SSBP2: variants seen among roughly 807,000 people sequenced by gnomAD.
SSBP2 encodes the protein single stranded DNA binding protein 2.
A neutral mutation model predicts 61.8 loss-of-function variants in SSBP2; 17 were observed. That is an observed-to-expected ratio of 0.28 (90% CI 0.19 to 0.41). The LOEUF (loss-of-function observed/expected upper bound fraction) is 0.41. Among genes scored for constraint, SSBP2 ranks in the 10% least tolerant of loss-of-function variants. SSBP2 has a pLI of 1.00. For synonymous variants in SSBP2, 139 were observed against 141.3 expected (o/e 0.98, Z 0.12); for missense variants, 310 against 458.7 (o/e 0.68, Z 2.96).
At position 81,418,404 on chromosome 5, in the gene SSBP2, T is replaced by C. The variant is rs368035917; in HGVS notation, c.*2100A>G. ...ACATAAATTTAATTCAGCTTTTTTT[T>C]CTCAACAGTTCTGCCTAGTATCCCT... is the stretch of plus-strand genomic sequence containing the variant. On this transcript the variant is annotated 3_prime_UTR_variant, in exon 17 of 17. Transcript: ENST00000320672. 15 of 152,388 alleles carry C rather than the reference T, an allele frequency of 9.8e-5. No individual in the cohort carries two copies. The East Asian group carries it at 1.2e-3, about 12-fold the overall frequency. The allele number at this position is 152,388 out of a possible 1,614,324, so 9.4% of individuals were successfully genotyped here. A position where few individuals can be genotyped will look rare whatever the true frequency, so the allele number is the denominator to read the frequency against.
intron 1 of SSBP2, among the ~76,000 whole-genome samples, chr5:81,662,344 G>A (rs951716688): frequency 2.1e-4 from 32 of 152,136 alleles, no homozygotes; most frequent in Admixed American, 8.5e-4. Context: ...GCAGACGCCC[G>A]TAATCCCAGC....
At chr5:81,746,226 G>T (rs1757340009) in intron 1 of SSBP2, among the ~76,000 whole-genome samples, 1 of 151,782 alleles carries the variant, frequency 6.6e-6, no homozygotes, top group African/African-American at 2.4e-5. Context: ...GGGTTTTTTT[G>T]ATACTTCTGA....
chr5:81,454,053 T>C (rs918329916), intron 10 of SSBP2, among the ~76,000 whole-genome samples: 7 of 152,170 alleles, frequency 4.6e-5, no homozygotes, highest in Non-Finnish European at 1.0e-4. Context: ...CTTCCATTCA[T>C]TACCTGTTAT....
At chr5:81,715,869 CA>C (rs1189339413) in intron 1 of SSBP2, among the ~76,000 whole-genome samples, 20 of 152,128 alleles carry the variant, frequency 1.3e-4, no homozygotes, top group African/African-American at 4.8e-4. Context: ...CCAGCCTGAG[CA>C]GTATACTGAG....
At chr5:81,445,363 T>C (rs1277000457) in intron 12 of SSBP2, among the ~76,000 whole-genome samples, 1 of 151,316 alleles carries the variant, frequency 6.6e-6, no homozygotes, top group African/African-American at 2.4e-5. Flanking sequence ...TGGCAATTTC[T>C]GGTTTGAAAG....
At chr5:81,582,175 A>G (rs1278596547) in intron 4 of SSBP2, among the ~76,000 whole-genome samples, 1 of 152,208 alleles carries the variant, frequency 6.6e-6, no homozygotes, top group African/African-American at 2.4e-5. Flanking sequence ...TTTGGGGTTG[A>G]CATCTATGAG....
At chr5:81,439,615 C>T (rs2153954005) in intron 14 of SSBP2, among the ~76,000 whole-genome samples, 1 of 150,648 alleles carries the variant, frequency 6.6e-6, no homozygotes, top group East Asian at 1.9e-4. Flanking sequence ...GATTCTCTGC[C>T]TTAGCCTTTT....
At chr5:81,493,226 CA>C (rs1469117840) in intron 5 of SSBP2, among the ~76,000 whole-genome samples, 12 of 149,816 alleles carry the variant, frequency 8.0e-5, no homozygotes, top group Non-Finnish European at 1.8e-4. Context: ...ATATCAAAAA[CA>C]TATATATATT....
chr5:81,488,112 C>T (rs1437092282), intron 6 of SSBP2, among the ~76,000 whole-genome samples: 1 of 137,110 alleles, frequency 7.3e-6, no homozygotes, highest in Admixed American at 8.1e-5. Flanking sequence ...TTTTTTATAT[C>T]CATTCATTCA....
chr5:81,479,210 T>C (rs891740795), intron 6 of SSBP2, among the ~76,000 whole-genome samples: 6 of 152,222 alleles, frequency 3.9e-5, no homozygotes, highest in African/African-American at 1.4e-4. Context: ...ATCTGTGACA[T>C]ATTATTTCTA....
chr5:81,668,642 G>T (rs1291139230), intron 1 of SSBP2, among the ~76,000 whole-genome samples: 1 of 151,844 alleles, frequency 6.6e-6, no homozygotes, highest in Admixed American at 6.6e-5. Context: ...CCGTTTAATT[G>T]TATAACAGCA....
In SSBP2 at chr5:81,575,160, C is replaced by T. The variant is rs191855198; in HGVS notation, c.282+40313G>A. 3.6e-4 allele frequency among the ~76,000 whole-genome samples: 55 copies of T among 152,104 alleles called. 3 individuals are homozygous for T. The East Asian group carries it at 4.3e-3, about 12-fold the overall frequency. On this transcript the variant is annotated intron_variant, in intron 4 of 16. Transcript: ENST00000320672. ...GTGCATGCCTGTAGTCCCAGCTACTCGGGAGGCTGAGGCAGGAGAATCACT... is the reference window on the plus strand; with the variant it reads ...GTGCATGCCTGTAGTCCCAGCTACTTGGGAGGCTGAGGCAGGAGAATCACT...
chr5:81,724,538 AGT>A (rs1755746612), intron 1 of SSBP2, among the ~76,000 whole-genome samples: 1 of 152,098 alleles, frequency 6.6e-6, no homozygotes, highest in African/African-American at 2.4e-5. Context: ...GTACATAGTA[AGT>A]GTGTACTACC....
intron 13 of SSBP2, 114 bp downstream of exon 13, chr5:81,442,539 A>C: frequency 1.7e-6 from 1 of 602,554 alleles, no homozygotes; most frequent in Non-Finnish European, 2.9e-6. Context: ...TTGAATATCT[A>C]ATAAGCTCCT....
chr5:81,467,672 G>A (rs1764982099), intron 8 of SSBP2, among the ~76,000 whole-genome samples: 1 of 151,900 alleles, frequency 6.6e-6, no homozygotes, highest in Admixed American at 6.6e-5. Context: ...GTTTTAACAT[G>A]TACATGTTAT....
chr5:81,639,349 C>G (rs979001587), intron 2 of SSBP2, among the ~76,000 whole-genome samples: 7 of 152,248 alleles, frequency 4.6e-5, no homozygotes, highest in African/African-American at 1.7e-4. Flanking sequence ...TGACTAAATA[C>G]TTTTGCATGG....
chr5:81,679,070 C>A (rs1199067454), intron 1 of SSBP2, among the ~76,000 whole-genome samples: 1 of 152,180 alleles, frequency 6.6e-6, no homozygotes, highest in African/African-American at 2.4e-5. Context: ...AGTGCAAAGG[C>A]ACAATCTCAG....
At chr5:81,444,204 C>T (rs1387870572) in intron 12 of SSBP2, among the ~76,000 whole-genome samples, 1 of 152,102 alleles carries the variant, frequency 6.6e-6, no homozygotes, top group Admixed American at 6.5e-5. Flanking sequence ...AGGTCCTAAC[C>T]TACTTTTGTG....
intron 8 of SSBP2, among the ~76,000 whole-genome samples, chr5:81,471,811 A>T (rs574580344): frequency 6.6e-6 from 1 of 151,822 alleles, no homozygotes; most frequent in East Asian, 1.9e-4. Context: ...TTTCCTTGGA[A>T]CTGTATTTAT....
Sources: allele counts gnomAD v4.1 joint callset (sites outside exome capture counted in the v4.1 genomes callset), GRCh38; gene constraint gnomAD v4.1.1; transcripts MANE v1.5; gene names NCBI Gene and HGNC (gene_info 2026-07-23, HGNC 2026-07-21).